Variants in EXO1 observed in about 807,000 individuals in gnomAD.
EXO1 encodes the protein exonuclease 1.
Under a neutral mutation model 84.5 loss-of-function variants are expected in EXO1, and 69 were observed. That is an observed-to-expected ratio of 0.82 (90% confidence interval 0.67 to 1.00). EXO1 has a LOEUF of 1.00. Among genes scored for constraint, EXO1 ranks in the 50% least tolerant of loss-of-function variants. The probability of loss-of-function intolerance (pLI) is 0.00; values close to 1 mark genes in which losing one functional copy is unlikely to be tolerated. For synonymous variants in EXO1, 373 were observed against 366.1 expected (o/e 1.02, Z -0.21); for missense variants, 1,045 against 1,000.7 (o/e 1.04, Z -0.60).
intron 13 of EXO1, among the ~76,000 whole-genome samples, chr1:241,879,867 C>T (rs1471696497): frequency 1.3e-5 from 2 of 151,844 alleles, no homozygotes; most frequent in Non-Finnish European, 2.9e-5. Context: ...CTTAGGCAGG[C>T]ATGGTGGTGG....
intron 14 of EXO1, among the ~76,000 whole-genome samples, chr1:241,882,857 T>G (rs1244632757): frequency 1.3e-5 from 2 of 152,204 alleles, no homozygotes; most frequent in East Asian, 1.9e-4. Flanking sequence ...TCACATGTTT[T>G]AAAAAGTAAG....
At chr1:241,883,536 G>A (rs904353358) in intron 14 of EXO1, among the ~76,000 whole-genome samples, 1 of 152,122 alleles carries the variant, frequency 6.6e-6, no homozygotes, top group Non-Finnish European at 1.5e-5. Context: ...GAGTTAAGGG[G>A]TTAGGACTTC....
chr1:241,875,843 A>G (rs1440666053), intron 12 of EXO1, among the ~76,000 whole-genome samples: 2 of 152,218 alleles, frequency 1.3e-5, no homozygotes, highest in Admixed American at 6.5e-5. Flanking sequence ...ACGCCACTGC[A>G]CTCCAGCCTG....
intron 10 of EXO1, among the ~76,000 whole-genome samples, chr1:241,866,066 T>A (rs1278458408): frequency 1.3e-5 from 2 of 152,234 alleles, no homozygotes; most frequent in Non-Finnish European, 1.5e-5. Flanking sequence ...ATCATTGACA[T>A]CCTCTTAGCA....
rs188024841 is a variant in EXO1 at position 241,850,692 on chromosome 1, T to G, written c.161+106T>G. On this transcript the variant is annotated intron_variant, in intron 4 of 15. Transcript: ENST00000366548. ...TGTTTTCACTCAATGCCAGAACTTA[T>G]CAGGAAGTAAAAGTTGTATGTTTTA... The G allele has an allele frequency of 2.8e-5, 25 of 909,042 alleles. No individual in the cohort carries two copies. The African/African-American group carries it at 4.1e-4, about 15-fold the overall frequency. 56.3% of individuals were successfully genotyped at this position (909,042 alleles called of 1,614,324 possible).
intron 10 of EXO1, among the ~76,000 whole-genome samples, chr1:241,863,092 C>T (rs573864032): frequency 6.6e-6 from 1 of 152,280 alleles, no homozygotes; most frequent in South Asian, 2.1e-4. Context: ...GTCCCTCACT[C>T]CACCTAAGAG....
At position 241,879,096 on chromosome 1, in the gene EXO1, C is replaced by T. The variant is rs367935074; in HGVS notation, c.1862C>T (p.Thr621Met). The T allele has an allele frequency of 3.7e-5, 59 of 1,613,878 alleles. No homozygotes were observed. The highest frequency in any genetic ancestry group is 1.2e-4 in the African/African-American group (9 of 74,920). ...WSGGLGDFSR[T>M]PSPSPSTALQ... ...GGAGGTCTTGGAGATTTTTCAAGAA[C>T]GCCGAGCCCCTCTCCAAGCACAGCA... is the stretch of plus-strand genomic sequence containing the variant. The change falls in exon 13 of 16, where the codon ACG becomes ATG. Residue 621 changes from threonine to methionine, a missense_variant. Thr to Met is a moderately conservative substitution (Grantham distance 81, BLOSUM62 -1). Coordinates refer to ENST00000366548, the MANE Select transcript of EXO1 (RefSeq NM_130398.4).
At chr1:241,873,995 C>T (rs1437452607) in intron 12 of EXO1, among the ~76,000 whole-genome samples, 3 of 152,124 alleles carry the variant, frequency 2.0e-5, no homozygotes, top group Non-Finnish European at 2.9e-5. Context: ...TGTCAGAATT[C>T]AAGCTGGGGA....
chr1:241,850,668 G>A, intron 4 of EXO1, 82 bp downstream of exon 4: 2 of 1,147,340 alleles, frequency 1.7e-6, no homozygotes, highest in Non-Finnish European at 1.3e-6. Context: ...GAAACGGATT[G>A]TTTTCACTCA....
intron 13 of EXO1, among the ~76,000 whole-genome samples, chr1:241,879,622 G>T (rs981890489): frequency 6.6e-6 from 1 of 152,092 alleles, no homozygotes; most frequent in Non-Finnish European, 1.5e-5. Context: ...AGTTAAAACC[G>T]AGGCAGAGTG....
At chr1:241,849,737 C>G (rs576504803) in intron 3 of EXO1, among the ~76,000 whole-genome samples, 1 of 152,166 alleles carries the variant, frequency 6.6e-6, no homozygotes, top group Non-Finnish European at 1.5e-5. Flanking sequence ...CACGTTGACC[C>G]TTATGATTAA....
intron 15 of EXO1, among the ~76,000 whole-genome samples, chr1:241,886,323 T>G (rs928250251): frequency 7.9e-5 from 12 of 152,266 alleles, no homozygotes; most frequent in African/African-American, 2.9e-4. Context: ...AGTTAAATTT[T>G]TGTTAACCAT....
intron 11 of EXO1, among the ~76,000 whole-genome samples, chr1:241,871,208 G>A (rs1239755212): frequency 1.3e-5 from 2 of 152,112 alleles, no homozygotes; most frequent in Admixed American, 1.3e-4. Flanking sequence ...ACTTTTGCTG[G>A]GGATCAACAT....
chr1:241,874,936 AC>A (rs1558139603), intron 12 of EXO1, among the ~76,000 whole-genome samples: 1 of 152,196 alleles, frequency 6.6e-6, no homozygotes, highest in East Asian at 1.9e-4. Flanking sequence ...GAGAAAAGTT[AC>A]CAGCTCCTGT....
chr1:241,885,232 A>ATAAATAAGTAAG (rs1296876717), intron 14 of EXO1, 82 bp from the exon 15 acceptor site: 24 of 779,852 alleles, frequency 3.1e-5, no homozygotes, highest in Middle Eastern at 3.9e-4. Context: ...AAATAAATAA[A>ATAAATAAGTAAG]TAAGTAAAGA....
chr1:241,854,429 A>G (rs2236919), intron 6 of EXO1: 94,253 of 152,194 alleles, frequency 0.62, 29,683 homozygotes, highest in East Asian at 0.8. Flanking sequence ...GAGCCACCGT[A>G]CCTGGCCTGT....
intron 5 of EXO1, 99 bp downstream of exon 5, chr1:241,852,510 T>G: frequency 8.9e-7 from 1 of 1,119,260 alleles, no homozygotes; most frequent in African/African-American, 1.5e-5. Context: ...CCAGGCTCAG[T>G]GGCTTGCACC....
intron 12 of EXO1, among the ~76,000 whole-genome samples, chr1:241,875,073 G>A (rs1039178532): frequency 5.7e-4 from 87 of 152,142 alleles, no homozygotes; most frequent in African/African-American, 2.0e-3. Flanking sequence ...GCGCCATCTC[G>A]GCTCACTGCC....
At chr1:241,876,882 G>A (rs1220422289) in intron 12 of EXO1, among the ~76,000 whole-genome samples, 1 of 151,982 alleles carries the variant, frequency 6.6e-6, no homozygotes, top group Non-Finnish European at 1.5e-5. Flanking sequence ...CTTTTTAGTT[G>A]AGTCGTCTTT....
Sources: gnomAD v4.1 joint callset for allele counts (sites outside exome capture counted in the v4.1 genomes callset) on GRCh38, gnomAD v4.1.1 for gene constraint, MANE v1.5 for transcripts, NCBI Gene and HGNC (gene_info 2026-07-23, HGNC 2026-07-21) for gene names.